The following IGBP1C variants were observed in gnomAD, a reference collection of about 807,000 sequenced individuals.
The protein encoded by IGBP1C is IGBP1 family member C, also known as immunoglobulin-binding protein 1 family member C.
chr17:58,664,679 T>C, the IGBP1C span, among the ~76,000 whole-genome samples: 1 of 152,162 alleles, frequency 6.6e-6, no homozygotes, highest in Non-Finnish European at 1.5e-5. Flanking sequence ...GGCCCATACT[T>C]TTGCCTTTGT....
At chr17:58,683,038 G>A in the IGBP1C span, among the ~76,000 whole-genome samples, 3 of 145,426 alleles carry the variant, frequency 2.1e-5, no homozygotes, top group South Asian at 2.2e-4. Context: ...GGGCGACAGT[G>A]CGAGAGTCTG....
At chr17:58,665,413 C>A in the IGBP1C span, among the ~76,000 whole-genome samples, 1 of 151,294 alleles carries the variant, frequency 6.6e-6, no homozygotes, top group South Asian at 2.1e-4. Flanking sequence ...TCAGCCTGAC[C>A]AACTTGCCTA....
chr17:58,665,619 C>T, the IGBP1C span, among the ~76,000 whole-genome samples: 2 of 151,610 alleles, frequency 1.3e-5, no homozygotes, highest in Non-Finnish European at 2.9e-5. Context: ...AACAAAAAAA[C>T]CCACAACTCA....
the IGBP1C span, among the ~76,000 whole-genome samples, chr17:58,663,943 C>T: frequency 2.6e-5 from 4 of 152,196 alleles, no homozygotes; most frequent in East Asian, 1.9e-4. Context: ...TTTGGGAGGC[C>T]GAGGTGCTGA....
the IGBP1C span, among the ~76,000 whole-genome samples, chr17:58,681,051 G>A: frequency 6.6e-6 from 1 of 152,086 alleles, no homozygotes. Flanking sequence ...GGAGGCTGAG[G>A]TGGGTGGATC....
the IGBP1C span, among the ~76,000 whole-genome samples, chr17:58,670,771 T>TCAAAAAAAAA: frequency 2.5e-4 from 2 of 7,954 alleles, 1 homozygote; most frequent in African/African-American, 9.2e-4. Flanking sequence ...AGACTCCCTC[T>TCAAAAAAAAA]TAAAAAAAAA....
At chr17:58,679,562 A>G in the IGBP1C span, 1 of 152,258 alleles carries the variant, frequency 6.6e-6, no homozygotes, top group African/African-American at 2.4e-5. Flanking sequence ...ACTACCACAA[A>G]TTATGCAATT....
chr17:58,660,601 G>T, the IGBP1C span: 2 of 795,626 alleles, frequency 2.5e-6, no homozygotes, highest in South Asian at 2.7e-5. Flanking sequence ...GTCGGTTGCC[G>T]TAGCCCCTAG....
At chr17:58,681,693 T>A in the IGBP1C span, among the ~76,000 whole-genome samples, 1 of 151,834 alleles carries the variant, frequency 6.6e-6, no homozygotes, top group South Asian at 2.1e-4. Flanking sequence ...CTACTAAAAA[T>A]ACAAAAATAT....
chr17:58,678,818 T>TATAATA, the IGBP1C span, among the ~76,000 whole-genome samples: 29,763 of 137,072 alleles, frequency 0.22, 3,638 homozygotes, highest in South Asian at 0.37. Flanking sequence ...GAACTTAAAG[T>TATAATA]ATAATAATAA....
At chr17:58,672,474 C>A in the IGBP1C span, among the ~76,000 whole-genome samples, 4 of 152,238 alleles carry the variant, frequency 2.6e-5, no homozygotes, top group Non-Finnish European at 4.4e-5. Context: ...CGCTCTATCA[C>A]CCAGGCTGCA....
the IGBP1C span, chr17:58,679,695 C>G: frequency 1.3e-5 from 2 of 152,128 alleles, no homozygotes; most frequent in African/African-American, 4.8e-5. Context: ...AAGTATGAGT[C>G]CCCAGCGCTG....
the IGBP1C span, among the ~76,000 whole-genome samples, chr17:58,676,318 G>C: frequency 2.0e-5 from 3 of 152,082 alleles, no homozygotes; most frequent in Non-Finnish European, 4.4e-5. Flanking sequence ...AGAGGTTGCA[G>C]TAAGCCAAGA....
chr17:58,666,221 TA>T, the IGBP1C span, among the ~76,000 whole-genome samples: 13 of 151,206 alleles, frequency 8.6e-5, no homozygotes, highest in Admixed American at 7.9e-4. Context: ...TGCATGCCTG[TA>T]ATGTAATCCC....
chr17:58,678,680 G>A, the IGBP1C span, among the ~76,000 whole-genome samples: 1 of 151,942 alleles, frequency 6.6e-6, no homozygotes, highest in Non-Finnish European at 1.5e-5. Context: ...GTCATAGGAT[G>A]GGGGAAACGG....
the IGBP1C span, among the ~76,000 whole-genome samples, chr17:58,691,318 G>C: frequency 6.6e-6 from 1 of 151,920 alleles, no homozygotes; most frequent in African/African-American, 2.4e-5. Context: ...AGAGGGCTCT[G>C]ATTTGCAATA....
chr17:58,671,607 A>G, the IGBP1C span, among the ~76,000 whole-genome samples: 3 of 152,132 alleles, frequency 2.0e-5, no homozygotes, highest in African/African-American at 7.2e-5. Context: ...AGCCAGCCCC[A>G]GAGCTTCTAA....
chr17:58,673,712 C>G, the IGBP1C span, among the ~76,000 whole-genome samples: 2 of 151,876 alleles, frequency 1.3e-5, no homozygotes, highest in African/African-American at 4.8e-5. Flanking sequence ...CAGGCATGCA[C>G]CACCATGCCC....
At chr17:58,666,064 T>C in the IGBP1C span, among the ~76,000 whole-genome samples, 1 of 141,290 alleles carries the variant, frequency 7.1e-6, no homozygotes, top group Non-Finnish European at 1.5e-5. Flanking sequence ...AAAAAAAAAA[T>C]TGGGTGCCAT....
Sources: allele counts gnomAD v4.1 joint callset (sites outside exome capture counted in the v4.1 genomes callset), GRCh38; gene constraint gnomAD v4.1.1; transcripts MANE v1.5; gene names NCBI Gene and HGNC (gene_info 2026-07-23, HGNC 2026-07-21).